The following NUP210L variants were observed in gnomAD, a reference collection of about 807,000 sequenced individuals.
NUP210L encodes nucleoporin 210 like, also known as nuclear pore membrane glycoprotein 210-like.
In NUP210L, 74 loss-of-function variants were observed where a neutral mutation model predicts 208.5. That is an observed-to-expected ratio of 0.35 (90% CI 0.29 to 0.43). The LOEUF is 0.43. Among genes scored for constraint, NUP210L ranks in the 20% least tolerant of loss-of-function variants. The probability of loss-of-function intolerance (pLI) is 1.00; values close to 1 mark genes in which losing one functional copy is unlikely to be tolerated. For synonymous variants in NUP210L, 780 were observed against 816.9 expected (o/e 0.95, Z 0.77); for missense variants, 1,843 against 2,289.4 (o/e 0.81, Z 3.98).
At chr1:154,004,142 C>T (rs1226705152) in intron 35 of NUP210L, among the ~76,000 whole-genome samples, 2 of 150,232 alleles carry the variant, frequency 1.3e-5, no homozygotes, top group African/African-American at 2.5e-5. Context: ...GATCTTGGCT[C>T]ACTGCAAACT....
At chr1:154,121,075 G>A (rs1315850390) in intron 10 of NUP210L, among the ~76,000 whole-genome samples, 2 of 151,760 alleles carry the variant, frequency 1.3e-5, no homozygotes, top group Non-Finnish European at 2.9e-5. Context: ...CTCATGCTGG[G>A]AATTTAAAGC....
chr1:154,087,044 G>C (rs1655656711), intron 16 of NUP210L, among the ~76,000 whole-genome samples: 1 of 152,032 alleles, frequency 6.6e-6, no homozygotes, highest in Non-Finnish European at 1.5e-5. Flanking sequence ...CATAGGCCAG[G>C]CACAGTGGCT....
chr1:154,061,615 C>T (rs781357460), exon 18 of NUP210L: 1 of 1,607,226 alleles, frequency 6.2e-7, no homozygotes, highest in Non-Finnish European at 8.5e-7. Flanking sequence ...GAATAGCCCA[C>T]AAAATTGACT....
chr1:154,010,473 G>T (rs992583399), intron 34 of NUP210L, among the ~76,000 whole-genome samples: 1 of 152,056 alleles, frequency 6.6e-6, no homozygotes, highest in African/African-American at 2.4e-5. Flanking sequence ...TCCCGGTTCA[G>T]GCAATTCTTC....
At chr1:154,007,206 GC>G (rs961911313) in intron 35 of NUP210L, among the ~76,000 whole-genome samples, 8 of 150,066 alleles carry the variant, frequency 5.3e-5, no homozygotes, top group Non-Finnish European at 1.0e-4. Flanking sequence ...CAAGTGATCT[GC>G]CCCCCTCGGC....
At chr1:154,064,629 G>A (rs944964007) in intron 17 of NUP210L, among the ~76,000 whole-genome samples, 1 of 152,116 alleles carries the variant, frequency 6.6e-6, no homozygotes, top group Non-Finnish European at 1.5e-5. Flanking sequence ...GCTATAGTCT[G>A]CCTTAGACTA....
At chr1:154,133,207 T>C (rs1294760945) in intron 7 of NUP210L, among the ~76,000 whole-genome samples, 3 of 152,182 alleles carry the variant, frequency 2.0e-5, no homozygotes, top group African/African-American at 7.2e-5. Context: ...TTTCACCAAT[T>C]ATCCACATGG....
At chr1:154,055,281 C>T (rs907499053) in intron 23 of NUP210L, among the ~76,000 whole-genome samples, 11 of 150,508 alleles carry the variant, frequency 7.3e-5, no homozygotes, top group East Asian at 5.8e-4. Flanking sequence ...GAAGGAGTTT[C>T]GCTCTGTCAC....
chr1:154,066,614 AAAAC>A (rs374561597), intron 17 of NUP210L, among the ~76,000 whole-genome samples: 125 of 152,330 alleles, frequency 8.2e-4, no homozygotes, highest in African/African-American at 2.2e-3. Flanking sequence ...CCGTCTCAAA[AAAAC>A]AAACAAACAA....
chr1:154,073,745 G>T (rs1654889423), intron 16 of NUP210L, among the ~76,000 whole-genome samples: 1 of 151,608 alleles, frequency 6.6e-6, no homozygotes, highest in South Asian at 2.1e-4. Context: ...AACCTGGGAG[G>T]TGGGGGTTGC....
chr1:154,147,822 A>AT (rs1166608178), intron 2 of NUP210L, among the ~76,000 whole-genome samples: 2 of 150,486 alleles, frequency 1.3e-5, no homozygotes, highest in Admixed American at 6.6e-5. Context: ...TGCCTGGCTA[A>AT]TTTTTTGTAT....
At chr1:154,027,097 C>A (rs200980702) in intron 29 of NUP210L, among the ~76,000 whole-genome samples, 11,177 of 106,340 alleles carry the variant, frequency 0.11, 518 homozygotes, top group South Asian at 0.19. Flanking sequence ...AAAAAAAAAA[C>A]AAAAAAAAAA....
At chr1:154,106,134 G>A (rs994539625) in intron 12 of NUP210L, among the ~76,000 whole-genome samples, 1 of 152,066 alleles carries the variant, frequency 6.6e-6, no homozygotes. Flanking sequence ...GGTGGTGCAT[G>A]CCTGTACTCC....
exon 22 of NUP210L, chr1:154,058,187 A>G (rs775052206): frequency 4.8e-5 from 78 of 1,614,086 alleles, no homozygotes; most frequent in South Asian, 2.7e-4. Flanking sequence ...GAACCCTCAC[A>G]GTCACTAACA....
intron 35 of NUP210L, among the ~76,000 whole-genome samples, chr1:154,002,490 G>A (rs757734810): frequency 2.6e-5 from 4 of 152,042 alleles, no homozygotes; most frequent in East Asian, 1.9e-4. Context: ...AGGATTAGCC[G>A]GGTGTGATGG....
At chr1:154,115,460 AT>A (rs1657273508) in intron 12 of NUP210L, among the ~76,000 whole-genome samples, 1 of 152,152 alleles carries the variant, frequency 6.6e-6, no homozygotes, top group South Asian at 2.1e-4. Context: ...AGCACTCTAA[AT>A]TTGACCTTTG....
chr1:154,151,467 T>C (rs1659382907), intron 2 of NUP210L, among the ~76,000 whole-genome samples: 1 of 133,472 alleles, frequency 7.5e-6, no homozygotes, highest in Non-Finnish European at 1.7e-5. Context: ...GTGTTAGTAG[T>C]TGGAAAAAAA....
chr1:154,121,435 C>G (rs1015687001), intron 10 of NUP210L, among the ~76,000 whole-genome samples: 10 of 152,198 alleles, frequency 6.6e-5, no homozygotes, highest in African/African-American at 2.4e-4. Flanking sequence ...GGTATTCACC[C>G]CCTTCTGTAG....
chr1:154,057,018 G>A lies in NUP210L; in HGVS notation c.3108-71C>T, dbSNP rs562018808. 112 of 1,480,322 alleles carry A rather than the reference G, an allele frequency of 7.6e-5. No homozygotes were observed. The South Asian group carries it at 8.0e-4, about 11-fold the overall frequency. The allele number at this position is 1,480,322 out of a possible 1,614,324, so 91.7% of individuals were successfully genotyped here. A position where few individuals can be genotyped will look rare whatever the true frequency, so the allele number is the denominator to read the frequency against. Reference sequence around the variant, plus strand: ...TTTCAAGACAGGGTCTTACTCTGTCGCCCAGGCTGGAGTGCAGTGGCATGA... The same window carrying A: ...TTTCAAGACAGGGTCTTACTCTGTCACCCAGGCTGGAGTGCAGTGGCATGA... On this transcript the variant is annotated intron_variant, in intron 22 of 39. Coordinates refer to ENST00000368559, the Ensembl canonical transcript of NUP210L.
Sources: gnomAD v4.1 joint callset for allele counts (sites outside exome capture counted in the v4.1 genomes callset) on GRCh38, gnomAD v4.1.1 for gene constraint, MANE v1.5 for transcripts, NCBI Gene and HGNC (gene_info 2026-07-23, HGNC 2026-07-21) for gene names.